The following ADGRL3 variants were observed in gnomAD, a reference collection of about 807,000 sequenced individuals.
The protein encoded by ADGRL3 is adhesion G protein-coupled receptor L3.
Under a neutral mutation model 153.5 loss-of-function variants are expected in ADGRL3, and 62 were observed. The ratio of observed to expected loss-of-function variants is 0.40; its 90% CI spans 0.33 to 0.50. ADGRL3 has a LOEUF of 0.50. ADGRL3 is among the 20% of genes least tolerant of loss of function. ADGRL3 has a pLI of 0.47. For synonymous variants in ADGRL3, 710 were observed against 672.5 expected (o/e 1.06, Z -0.86); for missense variants, 1,641 against 1,859.4 (o/e 0.88, Z 2.16).
chr4:61,577,716 G>C (rs1398602550), intron 4 of ADGRL3, among the ~76,000 whole-genome samples: 2 of 151,736 alleles, frequency 1.3e-5, no homozygotes, highest in Non-Finnish European at 2.9e-5. Context: ...AGGAGGTTGG[G>C]GTGGGAGGAT....
chr4:61,409,013 A>G (rs998068007), intron 2 of ADGRL3, among the ~76,000 whole-genome samples: 1 of 151,536 alleles, frequency 6.6e-6, no homozygotes, highest in East Asian at 1.9e-4. Flanking sequence ...TGTGTCATCA[A>G]AAACAATCAT....
chr4:61,969,210 CA>C (rs1262382833), intron 17 of ADGRL3, among the ~76,000 whole-genome samples: 3 of 152,020 alleles, frequency 2.0e-5, no homozygotes, highest in African/African-American at 7.2e-5. Flanking sequence ...ATCAAGGGAA[CA>C]AAATGATAAT....
chr4:61,881,825 G>T (rs1157281613), intron 9 of ADGRL3, among the ~76,000 whole-genome samples: 4 of 152,044 alleles, frequency 2.6e-5, no homozygotes, highest in African/African-American at 9.7e-5. Context: ...GAAATATTAG[G>T]CAATAACTTC....
chr4:61,713,255 G>A (rs767658450), intron 6 of ADGRL3, among the ~76,000 whole-genome samples: 7 of 150,988 alleles, frequency 4.6e-5, no homozygotes, highest in African/African-American at 7.3e-5. Flanking sequence ...AGCCGGTTAT[G>A]CTTGTGTGAC....
In ADGRL3 at chr4:61,472,686, C is replaced by T. The variant is rs146752796; in HGVS notation, c.-173-24435C>T. On this transcript the variant is annotated intron_variant, in intron 2 of 26. Transcript: ENST00000683033. ...GGGTCCATTATAAAGCTGCCTACTA[C>T]GAAGTTAAGGCCTGAGATACAGATT... is the stretch of plus-strand genomic sequence containing the variant. 1.7e-3 allele frequency among the ~76,000 whole-genome samples: 252 copies of T among 152,002 alleles called. 1 individual carries two copies. The highest frequency in any genetic ancestry group is 5.6e-3 in the African/African-American group (234 of 41,508).
intron 6 of ADGRL3, among the ~76,000 whole-genome samples, chr4:61,705,973 C>G (rs188077066): frequency 1.5e-3 from 227 of 152,188 alleles, no homozygotes; most frequent in Non-Finnish European, 2.1e-3. Flanking sequence ...CTGAAGGGCA[C>G]TAGGATTTTT....
intron 8 of ADGRL3, among the ~76,000 whole-genome samples, chr4:61,734,896 T>C (rs774556476): frequency 6.6e-6 from 1 of 152,258 alleles, no homozygotes; most frequent in Non-Finnish European, 1.5e-5. Flanking sequence ...GAAGGGCATT[T>C]AACATTTTCA....
At chr4:61,451,596 T>C (rs928457718) in intron 2 of ADGRL3, among the ~76,000 whole-genome samples, 2 of 152,172 alleles carry the variant, frequency 1.3e-5, no homozygotes, top group Non-Finnish European at 2.9e-5. Context: ...CTAGTATAAA[T>C]GGAGGTTTAT....
intron 17 of ADGRL3, among the ~76,000 whole-genome samples, chr4:61,961,084 T>C (rs1402789639): frequency 6.6e-6 from 1 of 152,166 alleles, no homozygotes. Context: ...TTGAGATCAG[T>C]TAGCATATTC....
intron 20 of ADGRL3, among the ~76,000 whole-genome samples, chr4:61,996,572 CA>C (rs1428266148): frequency 6.6e-6 from 1 of 152,100 alleles, no homozygotes; most frequent in Non-Finnish European, 1.5e-5. Flanking sequence ...TATTCATTTG[CA>C]AAAGCTTATG....
intron 5 of ADGRL3, among the ~76,000 whole-genome samples, chr4:61,675,057 A>T (rs1049158124): frequency 3.3e-5 from 5 of 151,946 alleles, no homozygotes; most frequent in Admixed American, 6.6e-5. Context: ...TTCACCTTTC[A>T]CTGATAACAC....
intron 4 of ADGRL3, among the ~76,000 whole-genome samples, chr4:61,537,560 G>C (rs2098664497): frequency 6.6e-6 from 1 of 151,858 alleles, no homozygotes; most frequent in South Asian, 2.1e-4. Flanking sequence ...CAAAGGCTTT[G>C]TTCATTAAAA....
At chr4:61,613,530 G>A (rs1437852280) in intron 5 of ADGRL3, among the ~76,000 whole-genome samples, 1 of 152,136 alleles carries the variant, frequency 6.6e-6, no homozygotes, top group East Asian at 1.9e-4. Flanking sequence ...AATTGGTTGA[G>A]GTCAGGAGTT....
At chr4:61,201,939 A>C (rs917332721) in intron 1 of ADGRL3, among the ~76,000 whole-genome samples, 174 bp downstream of exon 1, 14 of 151,974 alleles carry the variant, frequency 9.2e-5, no homozygotes, top group African/African-American at 3.4e-4. Context: ...CGGGGCGGGA[A>C]GGGAACCTCC....
intron 2 of ADGRL3, among the ~76,000 whole-genome samples, chr4:61,444,945 C>T (rs914603882): frequency 4.0e-5 from 6 of 151,692 alleles, no homozygotes; most frequent in Admixed American, 6.6e-5. Flanking sequence ...CCCAGCTACT[C>T]GGAGACTGGG....
At chr4:61,726,468 G>A (rs1167640815) in intron 6 of ADGRL3, among the ~76,000 whole-genome samples, 1 of 151,938 alleles carries the variant, frequency 6.6e-6, no homozygotes, top group Non-Finnish European at 1.5e-5. Context: ...CAAAGTGCTG[G>A]GATTACAGGC....
chr4:61,393,548 C>T (rs905029990), intron 2 of ADGRL3, among the ~76,000 whole-genome samples: 18 of 151,466 alleles, frequency 1.2e-4, no homozygotes, highest in African/African-American at 4.4e-4. Flanking sequence ...TTTAAAATGT[C>T]AATAATAATT....
chr4:61,324,093 A>C (rs1466655379), intron 1 of ADGRL3, among the ~76,000 whole-genome samples: 1 of 152,102 alleles, frequency 6.6e-6, no homozygotes, highest in African/African-American at 2.4e-5. Flanking sequence ...AAACCATCAG[A>C]TCTCGTGAGA....
chr4:61,809,948 C>T lies in ADGRL3; in HGVS notation c.1400-3861C>T, dbSNP rs764890207. The stretch of plus-strand genomic sequence containing the variant: ...GTTGTTATAATCCTCATTAAACAAA[C>T]GAGGAATTTAAGGCACATAGAAGTG... On this transcript the variant is annotated intron_variant, in intron 8 of 26. Coordinates refer to ENST00000683033, the MANE Select transcript of ADGRL3 (RefSeq NM_001387552.1). 5.7e-4 allele frequency among the ~76,000 whole-genome samples: 86 copies of T among 152,084 alleles called. No homozygotes were observed. In the Middle Eastern group the frequency reaches 0.01, roughly 18 times the overall value.
Sources: allele counts gnomAD v4.1 joint callset (sites outside exome capture counted in the v4.1 genomes callset), GRCh38; gene constraint gnomAD v4.1.1; transcripts MANE v1.5; gene names NCBI Gene and HGNC (gene_info 2026-07-23, HGNC 2026-07-21).